GALNT10: variants seen among roughly 807,000 people sequenced by gnomAD.
GALNT10 encodes the protein GalNAc transferase 10.
Under a neutral mutation model 75.0 loss-of-function variants are expected in GALNT10, and 41 were observed. That is an observed-to-expected ratio of 0.55 (90% CI 0.43 to 0.71). The LOEUF (loss-of-function observed/expected upper bound fraction) is 0.71. GALNT10 is among the 30% of genes least tolerant of loss of function. GALNT10 has a pLI of 0.00. For synonymous variants in GALNT10, 302 were observed against 313.0 expected, an observed-to-expected ratio of 0.96 and a Z score of 0.37; for missense variants, 727 against 818.5, an observed-to-expected ratio of 0.89 and a Z score of 1.36.
At chr5:154,258,657 T>C (rs1286180089) in intron 1 of GALNT10, among the ~76,000 whole-genome samples, 3 of 152,184 alleles carry the variant, frequency 2.0e-5, no homozygotes, top group Non-Finnish European at 4.4e-5. Flanking sequence ...TAGTGCAGAA[T>C]GATCAGCCTG....
intron 3 of GALNT10, among the ~76,000 whole-genome samples, chr5:154,300,400 T>C (rs1014885128): frequency 6.6e-6 from 1 of 152,118 alleles, no homozygotes; most frequent in African/African-American, 2.4e-5. Context: ...ACCTGGATGG[T>C]TTTTTAAACT....
At position 154,298,155 on chromosome 5, in the gene GALNT10, A is replaced by C; in HGVS notation, c.401+76A>C. On this transcript the variant is annotated intron_variant, in intron 3 of 11. Transcript: ENST00000297107. The surrounding 1 kb of genome is among the most constrained non-coding windows in gnomAD (Gnocchi z 4.1). ...GTTGTTGAGAATTAATTAAGGAAGC[A>C]GGTACATGGAGCCCTGCTGACGGAG... 3.7e-6 allele frequency: 5 copies of C among 1,345,246 alleles called. No homozygotes were observed. The highest frequency in any genetic ancestry group is 5.2e-6 in the Non-Finnish European group (5 of 954,826). The allele number at this position is 1,345,246 out of a possible 1,614,324, so 83.3% of individuals were successfully genotyped here.
At position 154,416,480 on chromosome 5, in the gene GALNT10, T is replaced by TACACACACACACACACACACACACAC. The variant is rs70978542; in HGVS notation, c.1654-321_1654-296dup. On this transcript the variant is annotated intron_variant, in intron 11 of 11. Transcript: ENST00000297107. This position sits in a 1 kb window ranked among gnomAD's most constrained non-coding sequence, Gnocchi z 4.5. ...AAATAAAAGATAAAAGGAAAGCACATACACACACACACACACACACACACA... is the reference window on the plus strand; with the variant it reads ...AAATAAAAGATAAAAGGAAAGCACATACACACACACACACACACACACACACACACACACACACACACACACACACA... Among the ~76,000 whole-genome samples the TACACACACACACACACACACACACAC allele has an allele frequency of 3.5e-5, 5 of 141,828 alleles. No homozygotes were observed. The highest frequency in any genetic ancestry group is 1.4e-4 in the Admixed American group (2 of 14,448). The allele number at this position is 141,828 out of a possible 152,430, so 93.0% of individuals were successfully genotyped here.
chr5:154,212,782 C>T (rs1043300144), intron 1 of GALNT10, among the ~76,000 whole-genome samples: 20 of 152,116 alleles, frequency 1.3e-4, no homozygotes, highest in African/African-American at 4.8e-4. Context: ...TCCTGGCTAA[C>T]AGGGTGAAAC....
intron 10 of GALNT10, among the ~76,000 whole-genome samples, chr5:154,415,399 G>A (rs145700177): frequency 6.6e-6 from 1 of 151,966 alleles, no homozygotes; most frequent in African/African-American, 2.4e-5. Flanking sequence ...GGGCAGTGGT[G>A]CAGTCTCGGC....
intron 5 of GALNT10, among the ~76,000 whole-genome samples, chr5:154,379,844 G>A (rs1198279519): frequency 6.6e-6 from 1 of 152,188 alleles, no homozygotes; most frequent in African/African-American, 2.4e-5. Context: ...TCCTGGGGCA[G>A]TTCATTCCCC....
intron 7 of GALNT10, among the ~76,000 whole-genome samples, chr5:154,395,471 C>T (rs760222043): frequency 2.0e-4 from 30 of 152,218 alleles, no homozygotes; most frequent in Non-Finnish European, 1.0e-4. Context: ...ATATTAAAAG[C>T]TTAGCTCAGT....
intron 3 of GALNT10, among the ~76,000 whole-genome samples, chr5:154,310,493 A>G (rs1436892505): frequency 1.3e-5 from 2 of 151,610 alleles, no homozygotes; most frequent in East Asian, 3.9e-4. Flanking sequence ...TTTTTGAGAC[A>G]GAGTCTCGCT....
At chr5:154,275,284 G>T (rs903198189) in intron 1 of GALNT10, among the ~76,000 whole-genome samples, 2 of 152,222 alleles carry the variant, frequency 1.3e-5, no homozygotes, top group African/African-American at 4.8e-5. Context: ...AATGTAGTCT[G>T]CAGACCAGCA....
chr5:154,212,203 G>A (rs1481564833), intron 1 of GALNT10, among the ~76,000 whole-genome samples: 5 of 152,236 alleles, frequency 3.3e-5, no homozygotes, highest in Admixed American at 6.5e-5. Flanking sequence ...TGAGGAAGCA[G>A]AAATCAGAAT....
chr5:154,360,846 A>G (rs560579912), intron 4 of GALNT10, among the ~76,000 whole-genome samples: 1 of 152,320 alleles, frequency 6.6e-6, no homozygotes, highest in Admixed American at 6.5e-5. Context: ...CCAAGAATTT[A>G]TTTCCTGAAA....
At chr5:154,244,757 G>T (rs1467861985) in intron 1 of GALNT10, among the ~76,000 whole-genome samples, 2 of 152,218 alleles carry the variant, frequency 1.3e-5, no homozygotes, top group African/African-American at 4.8e-5. Context: ...AGCCACTTCA[G>T]CCTGGAACCA....
intron 2 of GALNT10, among the ~76,000 whole-genome samples, chr5:154,297,118 G>C (rs1295192849): frequency 6.6e-6 from 1 of 152,112 alleles, no homozygotes; most frequent in Non-Finnish European, 1.5e-5. Context: ...TATTGCAGGG[G>C]TCGATGTGGA....
rs778048082 is a variant in GALNT10, at chr5:154,386,322, G to T, written c.948G>T (p.Val316=). 1 of 1,613,632 alleles carries T rather than the reference G, an allele frequency of 6.2e-7. No homozygotes were observed. Among genetic ancestry groups the T allele is most frequent in the South Asian group, 1.1e-5 (1 of 91,046 alleles). The change falls in exon 7 of 12, where the codon GTG becomes GTT. Residue 316 remains valine (V), a synonymous_variant. Coordinates refer to ENST00000297107, the MANE Select transcript of GALNT10 (RefSeq NM_198321.4). Reference sequence around the variant, plus strand: ...TCTTCTTCTCTGACAGGTCTCCCGTGATGGCCGGTGGACTGTTCGCCGTGG... The same window carrying T: ...TCTTCTTCTCTGACAGGTCTCCCGTTATGGCCGGTGGACTGTTCGCCGTGG... ...ADPSDPFESP[V]MAGGLFAVDR... is the part of the protein sequence containing the mutation.
intron 4 of GALNT10, chr5:154,338,271 G>T (rs1208962037): frequency 1.3e-5 from 9 of 676,152 alleles, no homozygotes; most frequent in Non-Finnish European, 1.9e-5. Flanking sequence ...CCCCTGGAGT[G>T]CTTGGTGCTT....
chr5:154,280,368 A>C (rs1181592737), intron 1 of GALNT10, among the ~76,000 whole-genome samples: 2 of 152,186 alleles, frequency 1.3e-5, no homozygotes, highest in African/African-American at 4.8e-5. Flanking sequence ...GTAGTAAACA[A>C]TAATTTATTG....
chr5:154,258,227 A>G (rs1753645446), intron 1 of GALNT10, among the ~76,000 whole-genome samples: 3 of 152,130 alleles, frequency 2.0e-5, no homozygotes, highest in African/African-American at 7.2e-5. Context: ...GCCTTTAGAG[A>G]AAAGTAGACC....
At chr5:154,308,056 T>A (rs1363879349) in intron 3 of GALNT10, among the ~76,000 whole-genome samples, 1 of 150,360 alleles carries the variant, frequency 6.7e-6, no homozygotes, top group South Asian at 2.1e-4. Context: ...ATCTTTTTTT[T>A]TTATTATTTC....
At chr5:154,243,393 A>G (rs1267817491) in intron 1 of GALNT10, among the ~76,000 whole-genome samples, 1 of 152,268 alleles carries the variant, frequency 6.6e-6, no homozygotes, top group Non-Finnish European at 1.5e-5. Context: ...ACTATTTAAC[A>G]TAGGACTGCT....
Sources: allele counts gnomAD v4.1 joint callset (sites outside exome capture counted in the v4.1 genomes callset), GRCh38; gene constraint gnomAD v4.1.1; non-coding constraint Gnocchi (gnomAD v3.1); transcripts MANE v1.5; gene names NCBI Gene and HGNC (gene_info 2026-07-23, HGNC 2026-07-21).